Variants in NEDD4L observed in about 807,000 individuals in gnomAD.
NEDD4L encodes the protein NEDD4 like E3 ubiquitin protein ligase, also known as E3 ubiquitin-protein ligase NEDD4-like.
NEDD4L carries 54 observed loss-of-function variants against 148.9 expected under a neutral mutation model. The ratio of observed to expected loss-of-function variants is 0.36; its 90% CI spans 0.29 to 0.45. The LOEUF (loss-of-function observed/expected upper bound fraction) is 0.45. NEDD4L is among the 20% of genes least tolerant of loss of function. NEDD4L has a pLI of 1.00. For missense variants in NEDD4L, 856 were observed against 1,233.8 expected (o/e 0.69, Z 4.59); for synonymous variants, 433 against 440.7 (o/e 0.98, Z 0.22).
At chr18:58,299,844 G>T (rs1322547844) in intron 5 of NEDD4L, among the ~76,000 whole-genome samples, 1 of 152,038 alleles carries the variant, frequency 6.6e-6, no homozygotes, top group Non-Finnish European at 1.5e-5. Flanking sequence ...CCAAAGTAAG[G>T]CTCAAATTTA....
At position 58,364,283 on chromosome 18, in the gene NEDD4L, A is replaced by T. The variant is rs796959222; in HGVS notation, c.1783A>T (p.Arg595Ter). ...TATCTTCCAGGCTGTCCCTTACTCC[A>T]GAGAATTTAAGCAGAAATATGACTA... ...AITGPAVPYS[R>*]EFKQKYDYFR... The change falls in exon 20 of 31, where the codon AGA (arginine) becomes TGA (stop). Residue 595 changes from arginine to a stop codon, truncating the protein, a stop_gained. Transcript: ENST00000400345. LOFTEE classifies it high-confidence loss of function. The T allele has an allele frequency of 6.4e-7, 1 of 1,555,704 alleles. No homozygotes were observed. Among genetic ancestry groups the T allele is most frequent in the Non-Finnish European group, 8.7e-7 (1 of 1,146,284 alleles).
intron 6 of NEDD4L, among the ~76,000 whole-genome samples, chr18:58,317,337 C>T (rs1027884312): frequency 4.6e-5 from 7 of 152,194 alleles, no homozygotes; most frequent in South Asian, 2.1e-4. Flanking sequence ...GCAAAGACCT[C>T]GCATCCTTCT....
intron 2 of NEDD4L, among the ~76,000 whole-genome samples, chr18:58,198,961 T>C (rs527301694): frequency 6.6e-6 from 1 of 152,258 alleles, no homozygotes; most frequent in Non-Finnish European, 1.5e-5. Flanking sequence ...CTAGCTAATG[T>C]TTGTATTTTT....
intron 16 of NEDD4L, among the ~76,000 whole-genome samples, chr18:58,343,866 T>G (rs1355859308): frequency 6.6e-6 from 1 of 152,232 alleles, no homozygotes; most frequent in Non-Finnish European, 1.5e-5. Context: ...TAAAAGTCAG[T>G]TGGTATTTTC....
intron 9 of NEDD4L, 89 bp from the exon 10 acceptor site, chr18:58,328,906 A>G: frequency 6.7e-7 from 1 of 1,492,376 alleles, no homozygotes; most frequent in Non-Finnish European, 9.2e-7. Context: ...TTTAGTGGCC[A>G]TCTGGCCCTC....
intron 18 of NEDD4L, among the ~76,000 whole-genome samples, chr18:58,352,355 A>G (rs1463293752): frequency 6.6e-6 from 1 of 152,180 alleles, no homozygotes; most frequent in African/African-American, 2.4e-5. Context: ...TCCCATGAAA[A>G]ACAAAATAAT....
intron 30 of NEDD4L, among the ~76,000 whole-genome samples, chr18:58,392,536 GT>G (rs66467685): frequency 6.0e-5 from 9 of 150,134 alleles, no homozygotes; most frequent in South Asian, 4.2e-4. Flanking sequence ...CCAGAAAGGT[GT>G]TTTTTTTTTC....
chr18:58,282,772 A>T (rs1158666710), intron 5 of NEDD4L, among the ~76,000 whole-genome samples: 1 of 152,194 alleles, frequency 6.6e-6, no homozygotes, highest in African/African-American at 2.4e-5. Context: ...AAAAAAGAAA[A>T]ACCTAAGGAA....
chr18:58,314,470 C>G (rs1433237752), intron 5 of NEDD4L: 1 of 151,904 alleles, frequency 6.6e-6, no homozygotes, highest in South Asian at 2.1e-4. Flanking sequence ...AACAGGCACA[C>G]TGCCTAATTC....
Position 58,341,749 on chromosome 18 carries a change from G to A in NEDD4L, c.1329G>A (p.Arg443=), listed in dbSNP as rs185018054. 5.5e-5 allele frequency: 89 copies of A among 1,613,818 alleles called. No individual in the cohort carries two copies. The East Asian group carries it at 1.5e-3, about 27-fold the overall frequency. Residue 443 remains arginine (R), a synonymous_variant, in exon 15 of 31, where the codon CGG becomes CGA. Transcript: ENST00000400345. ...ATCTAATCGAGCCTCAGATCCGCCG[G>A]CCTCGTAGCCTCAGCTCGCCAACAG... ...NNHLIEPQIR[R]PRSLSSPTVT...
chr18:58,076,028 A>G (rs1262512937), intron 1 of NEDD4L, among the ~76,000 whole-genome samples: 2 of 152,214 alleles, frequency 1.3e-5, no homozygotes, highest in African/African-American at 4.8e-5. Flanking sequence ...GAAAATAACC[A>G]TTGTTGGCAT....
intron 18 of NEDD4L, 193 bp downstream of exon 18, chr18:58,351,238 A>G: frequency 1.1e-6 from 1 of 941,768 alleles, no homozygotes; most frequent in Non-Finnish European, 1.3e-6. Context: ...AAAGTAGCCC[A>G]TCAAACTTTC....
At chr18:58,087,516 A>G (rs1453143645) in intron 1 of NEDD4L, among the ~76,000 whole-genome samples, 1 of 152,080 alleles carries the variant, frequency 6.6e-6, no homozygotes, top group Admixed American at 6.5e-5. Flanking sequence ...AGTTACCAGA[A>G]TCTGTTAGTT....
intron 1 of NEDD4L, among the ~76,000 whole-genome samples, chr18:58,117,835 T>G (rs1322172816): frequency 6.6e-6 from 1 of 152,128 alleles, no homozygotes; most frequent in Non-Finnish European, 1.5e-5. Flanking sequence ...ACCTATATAC[T>G]CCATGACATG....
intron 1 of NEDD4L, among the ~76,000 whole-genome samples, chr18:58,098,139 A>G (rs1294510425): frequency 6.6e-6 from 1 of 152,230 alleles, no homozygotes; most frequent in East Asian, 1.9e-4. Flanking sequence ...GACAAGTGGC[A>G]GAATGCAGGG....
chr18:58,142,464 G>C (rs1428406206), intron 1 of NEDD4L, among the ~76,000 whole-genome samples: 8 of 152,136 alleles, frequency 5.3e-5, no homozygotes, highest in African/African-American at 1.7e-4. Context: ...TTCCTATGGG[G>C]GTGTTGGGGG....
At chr18:58,108,675 C>T (rs1180273558) in intron 1 of NEDD4L, among the ~76,000 whole-genome samples, 2 of 152,316 alleles carry the variant, frequency 1.3e-5, no homozygotes, top group African/African-American at 2.4e-5. Flanking sequence ...CCCACCTCGG[C>T]CCCCCAAAGT....
chr18:58,180,235 C>T (rs1416674455), intron 2 of NEDD4L, among the ~76,000 whole-genome samples: 2 of 152,200 alleles, frequency 1.3e-5, no homozygotes, highest in Non-Finnish European at 1.5e-5. Flanking sequence ...GTGCCCAGAA[C>T]CACCCCCTTC....
At chr18:58,340,699 G>A (rs1254464052) in intron 13 of NEDD4L, among the ~76,000 whole-genome samples, 1 of 152,178 alleles carries the variant, frequency 6.6e-6, no homozygotes, top group Non-Finnish European at 1.5e-5. Context: ...AGCTCTACCT[G>A]GTTTGGCAGT....
Sources: gnomAD v4.1 joint callset for allele counts (sites outside exome capture counted in the v4.1 genomes callset) on GRCh38, gnomAD v4.1.1 for gene constraint, MANE v1.5 for transcripts, NCBI Gene and HGNC (gene_info 2026-07-23, HGNC 2026-07-21) for gene names.